Variants in TEKTL1 observed in about 807,000 individuals in gnomAD.
TEKTL1 encodes the protein tektin like 1.
the TEKTL1 span, among the ~76,000 whole-genome samples, chr19:15,018,347 C>T: frequency 2.0e-5 from 3 of 152,022 alleles, no homozygotes; most frequent in Non-Finnish European, 4.4e-5. Flanking sequence ...AGCAGACTCA[C>T]TTTTACCTGA....
At chr19:15,014,850 G>A in the TEKTL1 span, among the ~76,000 whole-genome samples, 1 of 152,014 alleles carries the variant, frequency 6.6e-6, no homozygotes, top group Non-Finnish European at 1.5e-5. Flanking sequence ...CCAGGAAGTC[G>A]GAGGCAGAGA....
chr19:15,022,490 G>A, the TEKTL1 span, among the ~76,000 whole-genome samples: 17 of 151,924 alleles, frequency 1.1e-4, no homozygotes, highest in Middle Eastern at 3.4e-3. Context: ...CACCACACCC[G>A]GCTAATTTTT....
the TEKTL1 span, chr19:15,023,092 G>A: frequency 1.2e-6 from 2 of 1,607,804 alleles, no homozygotes; most frequent in Non-Finnish European, 8.5e-7. Context: ...CGCCGCCGCC[G>A]CGCAGCAAGA....
At chr19:15,013,345 G>A in the TEKTL1 span, among the ~76,000 whole-genome samples, 14 of 152,120 alleles carry the variant, frequency 9.2e-5, no homozygotes, top group South Asian at 2.1e-4. Context: ...TGAGGAAGGG[G>A]TGCCCAGCTC....
the TEKTL1 span, chr19:15,011,280 G>A: frequency 2.0e-6 from 3 of 1,521,842 alleles, no homozygotes; most frequent in East Asian, 2.6e-5. Flanking sequence ...GGGCGGGTGC[G>A]ACAGCTGCTG....
the TEKTL1 span, among the ~76,000 whole-genome samples, chr19:15,014,741 G>GGGGC: frequency 8.1e-6 from 1 of 123,886 alleles, no homozygotes; most frequent in East Asian, 2.9e-4. Flanking sequence ...CGGGGGGCGG[G>GGGGC]GGCTGCTGAA....
At chr19:15,014,733 G>GGGC in the TEKTL1 span, among the ~76,000 whole-genome samples, 1 of 125,406 alleles carries the variant, frequency 8.0e-6, no homozygotes, top group South Asian at 3.4e-4. Context: ...TGGGGGGGCG[G>GGGC]GGGGCGGGGG....
the TEKTL1 span, chr19:15,013,744 A>G: frequency 6.2e-7 from 1 of 1,613,604 alleles, no homozygotes; most frequent in Non-Finnish European, 8.5e-7. Flanking sequence ...GAAAATGGAG[A>G]GAGATATGGA....
At chr19:15,011,965 T>G in the TEKTL1 span, among the ~76,000 whole-genome samples, 1 of 151,774 alleles carries the variant, frequency 6.6e-6, no homozygotes, top group Non-Finnish European at 1.5e-5. Context: ...CCAAAAATTT[T>G]AAAAAGTTAG....
the TEKTL1 span, chr19:15,020,570 A>T: frequency 1.2e-6 from 2 of 1,613,852 alleles, no homozygotes; most frequent in African/African-American, 2.7e-5. Flanking sequence ...GCCAGACGCC[A>T]CTCATGGGTG....
At chr19:15,011,011 C>G in the TEKTL1 span, 1 of 1,585,068 alleles carries the variant, frequency 6.3e-7, no homozygotes, top group Admixed American at 1.8e-5. Context: ...CCCACCACCT[C>G]GGCCGCGCCG....
At chr19:15,011,192 A>C in the TEKTL1 span, 1 of 1,481,166 alleles carries the variant, frequency 6.8e-7, no homozygotes, top group Non-Finnish European at 8.9e-7. Flanking sequence ...CCTGCAGACC[A>C]CCGAGGTGGT....
the TEKTL1 span, chr19:15,013,533 C>T: frequency 1.6e-6 from 1 of 624,126 alleles, no homozygotes; most frequent in Non-Finnish European, 2.8e-6. Context: ...GACACCCCAC[C>T]CAAAGGATGA....
the TEKTL1 span, chr19:15,011,045 C>G: frequency 6.3e-7 from 1 of 1,578,110 alleles, no homozygotes; most frequent in Non-Finnish European, 8.6e-7. Flanking sequence ...CTGGCGCTTC[C>G]GCGTGGAGAT....
the TEKTL1 span, among the ~76,000 whole-genome samples, chr19:15,015,704 A>G: frequency 1.3e-5 from 2 of 149,850 alleles, no homozygotes; most frequent in African/African-American, 4.8e-5. Flanking sequence ...TTCTATATAA[A>G]TGAATGAAGG....
At chr19:15,014,084 G>A in the TEKTL1 span, among the ~76,000 whole-genome samples, 4 of 152,184 alleles carry the variant, frequency 2.6e-5, no homozygotes, top group African/African-American at 9.7e-5. Context: ...TTGAGACCCA[G>A]AGAGAGACCT....
the TEKTL1 span, among the ~76,000 whole-genome samples, chr19:15,020,072 T>C: frequency 6.7e-6 from 1 of 149,432 alleles, no homozygotes; most frequent in Non-Finnish European, 1.5e-5. Flanking sequence ...CTTTGGAAGG[T>C]CAAAGGAGGA....
At chr19:15,020,726 G>C in the TEKTL1 span, 1 of 1,376,972 alleles carries the variant, frequency 7.3e-7, no homozygotes, top group Admixed American at 2.1e-5. Context: ...AGTGCAGCCC[G>C]TCGCCCACTT....
the TEKTL1 span, chr19:15,020,464 C>G: frequency 5.7e-3 from 9,197 of 1,612,802 alleles, 40 homozygotes; most frequent in Non-Finnish European, 6.8e-3. Flanking sequence ...CACCCAGACC[C>G]TGGCCTCCTG....
Sources: allele counts gnomAD v4.1 joint callset (sites outside exome capture counted in the v4.1 genomes callset), GRCh38; gene constraint gnomAD v4.1.1; transcripts MANE v1.5; gene names NCBI Gene and HGNC (gene_info 2026-07-23, HGNC 2026-07-21).